The following JAG2 variants were observed in gnomAD, a reference collection of about 807,000 sequenced individuals.
JAG2 encodes the protein jagged canonical Notch ligand 2.
In JAG2, 46 loss-of-function variants were observed where a neutral mutation model predicts 141.7. The ratio of observed to expected loss-of-function variants is 0.32; its 90% CI spans 0.26 to 0.42. The LOEUF (loss-of-function observed/expected upper bound fraction) is 0.42. Ranked by LOEUF, JAG2 falls within the 10% of genes least tolerant of loss-of-function variation. JAG2 has a pLI of 1.00. For missense variants in JAG2, 1,500 were observed against 1,817.5 expected, an observed-to-expected ratio of 0.83 and a Z score of 3.18; for synonymous variants, 862 against 763.5, an observed-to-expected ratio of 1.13 and a Z score of -2.13.
chr14:105,149,300 C>G lies in JAG2; in HGVS notation c.1623G>C (p.Glu541Asp), dbSNP rs1395030058. Residue 541 changes from glutamate (E) to aspartate (D), a missense_variant, in exon 13 of 26, where the codon GAG (glutamate) becomes GAC (aspartate). Around this residue, in one of 3 missense-constraint regions of JAG2, gnomAD observed 875 missense variants for 1,202.2 expected, o/e 0.73. Coordinates refer to ENST00000331782, the MANE Select transcript of JAG2 (RefSeq NM_002226.5). ...GAGCGCCGTTCCGGCAGGGGCTTGG[C>G]TCACAAAGGTCGACATCCACCTGCA... ...PLCEVDVDLC[E>D]PSPCRNGARC... 6.2e-6 allele frequency: 10 copies of G among 1,612,670 alleles called. No homozygotes were observed. The highest frequency in any genetic ancestry group is 7.6e-6 in the Non-Finnish European group (9 of 1,179,972).
chr14:105,161,441 C>T (rs1329688034), intron 2 of JAG2, among the ~76,000 whole-genome samples: 1 of 152,158 alleles, frequency 6.6e-6, no homozygotes, highest in African/African-American at 2.4e-5. Flanking sequence ...GCAGGGAGTT[C>T]CTCTCGACTC....
In JAG2 at chr14:105,150,979, C is replaced by A. The variant is rs775896644; in HGVS notation, c.1381+12G>T. 1.2e-6 allele frequency: 2 copies of A among 1,610,644 alleles called. No individual in the cohort carries two copies. The highest frequency in any genetic ancestry group is 1.7e-6 in the Non-Finnish European group (2 of 1,178,904). ...CTCGGCCCACCCGCCGGCGCCCACCCCCCATACTGACTGATATGGCAGTTG... is the reference window on the plus strand; with the variant it reads ...CTCGGCCCACCCGCCGGCGCCCACCACCCATACTGACTGATATGGCAGTTG... On this transcript the variant is annotated intron_variant, in intron 10 of 25. Coordinates refer to ENST00000331782, the MANE Select transcript of JAG2 (RefSeq NM_002226.5).
Position 105,150,663 on chromosome 14 carries a change from C to A in JAG2, c.1543G>T (p.Asp515Tyr). 1.9e-6 allele frequency: 3 copies of A among 1,550,326 alleles called. No homozygotes were observed. The highest frequency in any genetic ancestry group is 2.6e-6 in the Non-Finnish European group (3 of 1,146,944). ...SPCHSGGLCE[D>Y]LADGFHCHCP... Reference sequence around the variant, plus strand: ...TGGCAGTGGAAGCCGTCGGCCAGGTCCTCGCAGAGGCCGCCGCTGTGGCAG... The same window carrying A: ...TGGCAGTGGAAGCCGTCGGCCAGGTACTCGCAGAGGCCGCCGCTGTGGCAG... Residue 515 changes from aspartate to tyrosine, a missense_variant, in exon 12 of 26, where the codon GAC (aspartate) becomes TAC (tyrosine). Physicochemically the swap from Asp to Tyr is radical, Grantham distance 160. Transcript: ENST00000331782.
intron 12 of JAG2, 46 bp from the exon 13 acceptor site, chr14:105,149,366 C>A (rs1888340860): frequency 6.2e-7 from 1 of 1,611,436 alleles, no homozygotes; most frequent in Non-Finnish European, 8.5e-7. Context: ...CAGGCCCAGG[C>A]CGGGAACACA....
Position 105,152,259 on chromosome 14 carries a change from T to G in JAG2, c.821A>C (p.Asp274Ala). Residue 274 changes from aspartate (D) to alanine (A), a missense_variant, in exon 6 of 26, where the codon GAT becomes GCT. Physicochemically the swap from Asp to Ala is moderately radical, Grantham distance 126. Around this residue, in one of 3 missense-constraint regions of JAG2, gnomAD observed 875 missense variants for 1,202.2 expected, o/e 0.73. Transcript: ENST00000331782. The stretch of plus-strand genomic sequence containing the variant: ...GCAGCCGGGGTAGGGGACACACTCA[T>G]CGCAGAACCTCCCTTGCCAGCCGTA... ...CSYGWQGRFC[D>A]ECVPYPGCVH... is the part of the protein sequence containing the mutation. 6.2e-7 allele frequency: 1 copy of G among 1,613,186 alleles called. No homozygotes were observed. The highest frequency in any genetic ancestry group is 8.5e-7 in the Non-Finnish European group (1 of 1,179,978).
intron 15 of JAG2, 150 bp from the exon 16 acceptor site, chr14:105,148,589 G>A (rs913951466): frequency 2.3e-6 from 2 of 886,590 alleles, no homozygotes; most frequent in Non-Finnish European, 3.5e-6. Flanking sequence ...CGGGCATGGG[G>A]GCAGCCTGGG....
chr14:105,148,183 G>C lies in JAG2; in HGVS notation c.2181C>G (p.Cys727Trp). The change falls in exon 17 of 26, where the codon TGC becomes TGG. Residue 727 changes from cysteine (C) to tryptophan (W), a missense_variant. Physicochemically the swap from Cys to Trp is radical, Grantham distance 215. This residue lies in a region of JAG2 where 875 missense variants were observed against 1,202.2 expected (regional missense o/e 0.73). Coordinates refer to ENST00000331782, the MANE Select transcript of JAG2 (RefSeq NM_002226.5). Reference protein sequence around the residue: ...DAYTCSNGGTCYDSGDTFRCA... With the variant: ...DAYTCSNGGTWYDSGDTFRCA... ...AGCGGAAGGTGTCGCCGCTGTCGTAGCAGGTGCCACCGTTGCTGCAGGTGT... is the reference window on the plus strand; with the variant it reads ...AGCGGAAGGTGTCGCCGCTGTCGTACCAGGTGCCACCGTTGCTGCAGGTGT... 6.4e-7 allele frequency: 1 copy of C among 1,553,794 alleles called. No homozygotes were observed. The highest frequency in any genetic ancestry group is 8.7e-7 in the Non-Finnish European group (1 of 1,148,888).
intron 21 of JAG2, 55 bp from the exon 22 acceptor site, chr14:105,146,555 G>A (rs1272044753): frequency 6.2e-7 from 1 of 1,605,432 alleles, no homozygotes; most frequent in African/African-American, 1.3e-5. Flanking sequence ...CTCGGGGCTG[G>A]GTGTCACCCA....
Position 105,143,581 on chromosome 14 carries a change from C to A in JAG2, c.3142G>T (p.Ala1048Ser), listed in dbSNP as rs587678193. 6.2e-7 allele frequency: 1 copy of A among 1,605,696 alleles called. No individual in the cohort carries two copies. The highest frequency in any genetic ancestry group is 8.5e-7 in the Non-Finnish European group (1 of 1,178,542). ...CGCTGGGTGATGGCGGCCACGATGG[C>A]GTGGGCCGCGCCCTGGATCAGGCTG... The part of the protein sequence containing the change: ...DSSLIQGAAH[A>S]IVAAITQRGN... Residue 1048 changes from alanine (A) to serine (S), a missense_variant, in exon 25 of 26, where the codon GCC becomes TCC. Physicochemically the swap from Ala to Ser is moderately conservative, Grantham distance 99. Around this residue, in one of 3 missense-constraint regions of JAG2, gnomAD observed 425 missense variants for 441.0 expected, o/e 0.96. Transcript: ENST00000331782.
In JAG2 at chr14:105,151,371, CG is replaced by C. The variant is rs766792525; in HGVS notation, c.1178del (p.Pro393ArgfsTer49). 6.2e-7 allele frequency: 1 copy of C among 1,611,850 alleles called. No individual in the cohort carries two copies. The highest frequency in any genetic ancestry group is 8.5e-7 in the Non-Finnish European group (1 of 1,179,976). On this transcript the variant is annotated frameshift_variant, in exon 9 of 26. Coordinates refer to ENST00000331782, the MANE Select transcript of JAG2 (RefSeq NM_002226.5). LOFTEE classifies it high-confidence loss of function. ...CCACACAGGTGCCACCGGCCGCACA[CG>C]GGTTCGAAGCACACTCATCGATGTC... The part of the protein sequence containing the change: ...ALDIDECASN[P>X]CAAGGTCVDQ...
intron 22 of JAG2, 42 bp from the exon 23 acceptor site, chr14:105,146,015 G>A (rs757593347): frequency 2.5e-6 from 4 of 1,577,338 alleles, no homozygotes; most frequent in South Asian, 1.2e-5. Context: ...AGGCGCACAG[G>A]AGGGTCAGAT....
At chr14:105,145,687 C>T (rs1437486444) in intron 23 of JAG2, 44 bp downstream of exon 23, 8 of 1,561,170 alleles carry the variant, frequency 5.1e-6, no homozygotes, top group Admixed American at 1.9e-5. Flanking sequence ...GAGCAGATGC[C>T]GGCGTGTGGC....
chr14:105,160,481 C>T (rs941766470), intron 2 of JAG2, among the ~76,000 whole-genome samples: 1 of 151,492 alleles, frequency 6.6e-6, no homozygotes, highest in Non-Finnish European at 1.5e-5. Flanking sequence ...ATCAAGTGTA[C>T]AGCAGGCATG....
At position 105,142,574 on chromosome 14, in the gene JAG2, GT is replaced by G; in HGVS notation, c.*120del. On this transcript the variant is annotated 3_prime_UTR_variant, in exon 26 of 26. Coordinates refer to ENST00000331782, the MANE Select transcript of JAG2 (RefSeq NM_002226.5). ...CGTAGAAAATAAACATTTGGTTTTT[GT>G]TTTTGGTGGTTTTTTTACACAAAAT... The G allele has an allele frequency of 1.4e-6, 1 of 701,136 alleles. No individual in the cohort carries two copies. The highest frequency in any genetic ancestry group is 2.4e-6 in the Non-Finnish European group (1 of 424,170). The allele number at this position is 701,136 out of a possible 1,614,324, so 43.4% of individuals were successfully genotyped here.
Position 105,149,292 on chromosome 14 carries a change from G to C in JAG2, c.1631C>G (p.Pro544Arg). ...EVDVDLCEPS[P>R]CRNGARCYNL... ...ATAGCAGCGAGCGCCGTTCCGGCAG[G>C]GGCTTGGCTCACAAAGGTCGACATC... The change falls in exon 13 of 26, where the codon CCC becomes CGC. Residue 544 changes from proline to arginine, a missense_variant. Coordinates refer to ENST00000331782, the MANE Select transcript of JAG2 (RefSeq NM_002226.5). 6.2e-7 allele frequency: 1 copy of C among 1,612,672 alleles called. No individual in the cohort carries two copies. The highest frequency in any genetic ancestry group is 1.1e-5 in the South Asian group (1 of 91,090).
chr14:105,168,015 G>A lies in JAG2; in HGVS notation c.159C>T (p.Asp53=), dbSNP rs755324618. 1.9e-6 allele frequency: 3 copies of A among 1,598,664 alleles called. No homozygotes were observed. Among genetic ancestry groups the A allele is most frequent in the Non-Finnish European group, 1.7e-6 (2 of 1,177,012 alleles). Residue 53 remains aspartate (D), a synonymous_variant, in exon 2 of 26, where the codon GAC becomes GAT. Transcript: ENST00000331782. ...AGCCCCCCGCGCGCGTTGTCCGGCC[G>A]TCGCCGTCACAGCAGGCGCCGCTCA... ...ELLSGACCDG[D]GRTTRAGGCG...
chr14:105,154,069 G>A lies in JAG2; in HGVS notation c.788+1493C>T, dbSNP rs1007706794. On this transcript the variant is annotated intron_variant, in intron 5 of 25. Coordinates refer to ENST00000331782, the MANE Select transcript of JAG2 (RefSeq NM_002226.5). The surrounding 1 kb of genome is among the most constrained non-coding windows in gnomAD (Gnocchi z 4.4). ...TTGCCTCCCCGCTCTGGGACTGGCC[G>A]GGAAAGCTCCTCACTGTACCCTCCA... Among the ~76,000 whole-genome samples the A allele has an allele frequency of 3.9e-5, 6 of 152,186 alleles. No homozygotes were observed. Among genetic ancestry groups the A allele is most frequent in the Middle Eastern group, 3.4e-3 (1 of 294 alleles).
intron 9 of JAG2, 79 bp downstream of exon 9, chr14:105,151,204 A>G: frequency 1.4e-6 from 1 of 715,918 alleles, no homozygotes; most frequent in Non-Finnish European, 2.0e-6. Context: ...CAGCAGCCCC[A>G]GCAGCCCCCG....
chr14:105,156,763 C>T (rs1355464634), intron 3 of JAG2, among the ~76,000 whole-genome samples: 3 of 152,158 alleles, frequency 2.0e-5, no homozygotes, highest in Admixed American at 1.3e-4. Context: ...AGGGGCGTCC[C>T]GGCCGCCCCA....
Sources: allele counts gnomAD v4.1 joint callset (sites outside exome capture counted in the v4.1 genomes callset), GRCh38; gene constraint gnomAD v4.1.1; regional missense constraint gnomAD v4.1.1; non-coding constraint Gnocchi (gnomAD v3.1); transcripts MANE v1.5; gene names NCBI Gene and HGNC (gene_info 2026-07-23, HGNC 2026-07-21).